FAM3B: variants seen among roughly 807,000 people sequenced by gnomAD.
FAM3B encodes the protein protein FAM3B.
FAM3B carries 29 observed loss-of-function variants against 28.4 expected under a neutral mutation model. The ratio of observed to expected loss-of-function variants is 1.02; its 90% CI spans 0.76 to 1.39. The LOEUF is 1.39. Ranked by LOEUF, FAM3B falls within the 40% of genes most tolerant of loss-of-function variation. The pLI is 0.00. For synonymous variants in FAM3B, 91 were observed against 103.0 expected, an observed-to-expected ratio of 0.88 and a Z score of 0.71; for missense variants, 266 against 293.9, an observed-to-expected ratio of 0.91 and a Z score of 0.69.
intron 1 of FAM3B, among the ~76,000 whole-genome samples, chr21:41,310,676 C>T (rs1438642637): frequency 3.3e-5 from 5 of 152,202 alleles, no homozygotes; most frequent in African/African-American, 1.2e-4. Flanking sequence ...GCACCATCCT[C>T]TGGTACTCCC....
At chr21:41,335,962 A>G (rs2088951837) in intron 2 of FAM3B, among the ~76,000 whole-genome samples, 1 of 152,168 alleles carries the variant, frequency 6.6e-6, no homozygotes, top group Non-Finnish European at 1.5e-5. Context: ...TTGATGTCCC[A>G]CCAGTATTTA....
chr21:41,350,516 T>A (rs2089107838), intron 7 of FAM3B, among the ~76,000 whole-genome samples: 1 of 152,170 alleles, frequency 6.6e-6, no homozygotes. Flanking sequence ...AGCTGGGCCT[T>A]CCTGGAGCTC....
At chr21:41,348,549 C>G in intron 6 of FAM3B, 43 bp from the exon 7 acceptor site, 1 of 1,612,512 alleles carries the variant, frequency 6.2e-7, no homozygotes. Context: ...CTCCTCTCCA[C>G]GTCTCCCTGA....
chr21:41,328,185 C>T (rs1005712509), intron 2 of FAM3B, among the ~76,000 whole-genome samples: 2 of 152,140 alleles, frequency 1.3e-5, no homozygotes, highest in African/African-American at 2.4e-5. Flanking sequence ...TAAAGGGGAG[C>T]GCGGGCTCCA....
At chr21:41,307,883 A>C (rs565945069) in intron 1 of FAM3B, among the ~76,000 whole-genome samples, 1 of 152,318 alleles carries the variant, frequency 6.6e-6, no homozygotes, top group South Asian at 2.1e-4. Flanking sequence ...TATTGCCAGA[A>C]TTACCAAAAT....
chr21:41,311,867 G>A (rs2088716246), upstream of FAM3B, among the ~76,000 whole-genome samples: 1 of 152,204 alleles, frequency 6.6e-6, no homozygotes, highest in Non-Finnish European at 1.5e-5. Context: ...AAAGAAAGAG[G>A]TTTATTGGAC....
intron 2 of FAM3B, among the ~76,000 whole-genome samples, chr21:41,329,053 C>T (rs1262628256): frequency 1.3e-5 from 2 of 152,166 alleles, no homozygotes; most frequent in African/African-American, 2.4e-5. Flanking sequence ...TATACGTATA[C>T]GTTGTGGAAT....
intron 3 of FAM3B, among the ~76,000 whole-genome samples, 168 bp from the exon 4 acceptor site, chr21:41,344,308 A>G (rs1277133765): frequency 6.6e-6 from 1 of 152,226 alleles, no homozygotes; most frequent in African/African-American, 2.4e-5. Context: ...ATGTGTGTGG[A>G]TGAACATGGG....
intron 2 of FAM3B, among the ~76,000 whole-genome samples, chr21:41,324,632 G>T (rs2088839983): frequency 6.6e-6 from 1 of 152,180 alleles, no homozygotes; most frequent in African/African-American, 2.4e-5. Flanking sequence ...TATTAATTCA[G>T]CAGGTATATT....
At chr21:41,342,596 A>T (rs1490424848) in intron 3 of FAM3B, among the ~76,000 whole-genome samples, 3 of 152,114 alleles carry the variant, frequency 2.0e-5, no homozygotes, top group African/African-American at 7.2e-5. Context: ...ACTGTACCTA[A>T]TCTGCTGTCA....
At chr21:41,325,934 A>AT (rs1201924722) in intron 2 of FAM3B, among the ~76,000 whole-genome samples, 2 of 152,170 alleles carry the variant, frequency 1.3e-5, no homozygotes, top group Non-Finnish European at 2.9e-5. Context: ...AACCAGGTGG[A>AT]TTTTCCTCAG....
At chr21:41,335,668 C>T (rs898479551) in intron 2 of FAM3B, among the ~76,000 whole-genome samples, 2 of 152,168 alleles carry the variant, frequency 1.3e-5, no homozygotes, top group African/African-American at 2.4e-5. Flanking sequence ...TTATAAATGA[C>T]CCAGTCTCAG....
upstream of FAM3B, among the ~76,000 whole-genome samples, chr21:41,316,043 G>A (rs2088746310): frequency 2.0e-5 from 3 of 152,148 alleles, 1 homozygote; most frequent in South Asian, 6.2e-4. Context: ...GTTACCTGAG[G>A]CCACTGTGAC....
chr21:41,339,904 A>G (rs1344953427), intron 3 of FAM3B, among the ~76,000 whole-genome samples: 2 of 152,208 alleles, frequency 1.3e-5, no homozygotes, highest in South Asian at 2.1e-4. Flanking sequence ...ACGACAGGCC[A>G]TCTGCAAGCT....
At chr21:41,337,331 C>T (rs74448666) in intron 2 of FAM3B, among the ~76,000 whole-genome samples, 4,427 of 152,238 alleles carry the variant, frequency 0.029, 207 homozygotes, top group African/African-American at 0.095. Flanking sequence ...GACAACTACT[C>T]GGGGATCTGA....
intron 1 of FAM3B, among the ~76,000 whole-genome samples, chr21:41,305,064 T>C (rs1568906721): frequency 6.6e-6 from 1 of 152,182 alleles, no homozygotes; most frequent in Non-Finnish European, 1.5e-5. Context: ...TGACCACGTA[T>C]ATTTTCATTG....
chr21:41,330,114 T>C (rs1440042266), intron 2 of FAM3B, among the ~76,000 whole-genome samples: 3 of 141,198 alleles, frequency 2.1e-5, no homozygotes, highest in African/African-American at 8.0e-5. Context: ...CTAACCTTTA[T>C]CATAGTTATG....
chr21:41,324,193 C>G (rs189743710), intron 2 of FAM3B, among the ~76,000 whole-genome samples: 8 of 152,208 alleles, frequency 5.3e-5, no homozygotes, highest in Admixed American at 5.2e-4. Flanking sequence ...AACTGGGGGC[C>G]CAGAGACAGA....
At chr21:41,309,861 G>A (rs1014019286) in intron 1 of FAM3B, among the ~76,000 whole-genome samples, 3 of 152,214 alleles carry the variant, frequency 2.0e-5, no homozygotes, top group Non-Finnish European at 4.4e-5. Context: ...GGTCCACCCA[G>A]GTTGTTTCCC....
Sources: allele counts gnomAD v4.1 joint callset (sites outside exome capture counted in the v4.1 genomes callset), GRCh38; gene constraint gnomAD v4.1.1; transcripts MANE v1.5; gene names NCBI Gene and HGNC (gene_info 2026-07-23, HGNC 2026-07-21).